The following FARP1 variants were observed in gnomAD, a reference collection of about 807,000 sequenced individuals.
FARP1 encodes FERM, ARHGEF and pleckstrin domain-containing protein 1.
FARP1 carries 52 observed loss-of-function variants against 128.8 expected under a neutral mutation model. That is an observed-to-expected ratio of 0.40 (90% CI 0.32 to 0.51). The LOEUF is 0.51. Ranked by LOEUF, FARP1 falls within the 20% of genes least tolerant of loss-of-function variation. The probability of loss-of-function intolerance (pLI) is 0.45; values close to 1 mark genes in which losing one functional copy is unlikely to be tolerated. For synonymous variants in FARP1, 580 were observed against 551.8 expected (o/e 1.05, Z -0.72); for missense variants, 1,333 against 1,367.9 (o/e 0.97, Z 0.40).
intron 1 of FARP1, among the ~76,000 whole-genome samples, chr13:98,207,480 G>T (rs558487721): frequency 2.6e-5 from 4 of 152,160 alleles, no homozygotes; most frequent in African/African-American, 9.6e-5. Flanking sequence ...TGCAGGGAGG[G>T]TCTGAGCACC....
At chr13:98,185,498 A>AG (rs1358067520) in intron 1 of FARP1, among the ~76,000 whole-genome samples, 1 of 152,106 alleles carries the variant, frequency 6.6e-6, no homozygotes, top group African/African-American at 2.4e-5. Context: ...AAACTTGGGG[A>AG]GATAAGCAAG....
intron 2 of FARP1, among the ~76,000 whole-genome samples, chr13:98,336,241 GT>G (rs751240454): frequency 7.2e-5 from 11 of 152,076 alleles, no homozygotes; most frequent in African/African-American, 1.2e-4. Context: ...TTCTGTTGTT[GT>G]TTTTGTTCGT....
At chr13:98,437,970 T>C in intron 19 of FARP1, 1 of 907,634 alleles carries the variant, frequency 1.1e-6, no homozygotes, top group Admixed American at 2.0e-5. Flanking sequence ...CTGAGCAGAA[T>C]GGGAAGGTGG....
chr13:98,208,133 A>G (rs1454797705), intron 1 of FARP1, among the ~76,000 whole-genome samples: 1 of 152,094 alleles, frequency 6.6e-6, no homozygotes, highest in East Asian at 1.9e-4. Context: ...GATGCTTAGA[A>G]AAAGCTTATT....
chr13:98,271,838 T>A (rs1326112847), intron 2 of FARP1, among the ~76,000 whole-genome samples: 5 of 152,204 alleles, frequency 3.3e-5, no homozygotes, highest in Non-Finnish European at 7.3e-5. Context: ...TATCAGTATA[T>A]CACTGATTTG....
chr13:98,313,413 A>AT (rs1886579162), intron 2 of FARP1, among the ~76,000 whole-genome samples: 1 of 151,796 alleles, frequency 6.6e-6, no homozygotes, highest in Non-Finnish European at 1.5e-5. Context: ...GGAGCCACAA[A>AT]CCCAGGAGCG....
intron 1 of FARP1, among the ~76,000 whole-genome samples, chr13:98,203,489 G>A (rs748550339): frequency 3.0e-4 from 45 of 152,186 alleles, no homozygotes; most frequent in Non-Finnish European, 4.6e-4. Flanking sequence ...CATTTAATAG[G>A]ATCATAGGTT....
chr13:98,194,663 C>T (rs145449466), intron 1 of FARP1, among the ~76,000 whole-genome samples: 64 of 152,236 alleles, frequency 4.2e-4, no homozygotes, highest in African/African-American at 1.5e-3. Flanking sequence ...TCAAGTAAAA[C>T]ACATTTGAGA....
intron 5 of FARP1, among the ~76,000 whole-genome samples, chr13:98,376,185 T>C (rs970980379): frequency 2.0e-5 from 3 of 152,196 alleles, no homozygotes; most frequent in African/African-American, 7.2e-5. Context: ...TAAATTATTA[T>C]TGACTGTAGT....
intron 2 of FARP1, among the ~76,000 whole-genome samples, chr13:98,227,368 T>G (rs1302192339): frequency 1.3e-5 from 2 of 151,914 alleles, no homozygotes; most frequent in African/African-American, 2.4e-5. Context: ...GAAGCTATGT[T>G]GGGGAACATC....
At chr13:98,411,198 T>A (rs1319939190) in intron 15 of FARP1, among the ~76,000 whole-genome samples, 7 of 152,228 alleles carry the variant, frequency 4.6e-5, no homozygotes, top group Admixed American at 4.6e-4. Flanking sequence ...TTATCTTTGA[T>A]AATAAATTGA....
At chr13:98,194,217 A>G (rs1879425510) in intron 1 of FARP1, among the ~76,000 whole-genome samples, 2 of 152,094 alleles carry the variant, frequency 1.3e-5, no homozygotes, top group Admixed American at 1.3e-4. Flanking sequence ...CCTGGGTTCA[A>G]GCGATTCTCC....
chr13:98,193,906 G>GA (rs1722315001), intron 1 of FARP1, among the ~76,000 whole-genome samples: 1 of 152,028 alleles, frequency 6.6e-6, no homozygotes, highest in African/African-American at 2.4e-5. Context: ...AGTCCATTTG[G>GA]ACATAGTCTT....
chr13:98,333,317 CAAGATCAGGAGATGA>C (rs1887590953), intron 2 of FARP1: 1 of 151,940 alleles, frequency 6.6e-6, no homozygotes, highest in Non-Finnish European at 1.5e-5. Context: ...ATGAATTACT[CAAGATCAGGAGATGA>C]CAAACCTAGC....
intron 14 of FARP1, among the ~76,000 whole-genome samples, chr13:98,410,245 C>T (rs1466251334): frequency 6.6e-6 from 1 of 152,240 alleles, no homozygotes; most frequent in Admixed American, 6.5e-5. Context: ...ACCTGACTGA[C>T]AGCCGCCAAG....
intron 21 of FARP1, 62 bp downstream of exon 21, chr13:98,439,258 C>A (rs1892423557): frequency 2.6e-6 from 3 of 1,167,738 alleles, no homozygotes; most frequent in Non-Finnish European, 3.7e-6. Flanking sequence ...GCGGGCGCTG[C>A]TGACCCGGCG....
At chr13:98,250,759 C>A (rs1301196830) in intron 2 of FARP1, among the ~76,000 whole-genome samples, 1 of 151,908 alleles carries the variant, frequency 6.6e-6, no homozygotes, top group South Asian at 2.1e-4. Flanking sequence ...AAATATATAA[C>A]ACTACCAGTA....
At chr13:98,204,393 T>C (rs1464812257) in intron 1 of FARP1, among the ~76,000 whole-genome samples, 1 of 152,226 alleles carries the variant, frequency 6.6e-6, no homozygotes, top group East Asian at 1.9e-4. Context: ...AAACATGAGG[T>C]AATAGGTAAC....
At position 98,186,991 on chromosome 13, in the gene FARP1, C is replaced by CAAAAA. The variant is rs33992037; in HGVS notation, c.-23-26206_-23-26202dup. ...TGGGAGATGGAGCGAGATTCTGTCT[C>CAAAAA]AAAAAAAAAAAAAAAAAAAAAAAAA... On this transcript the variant is annotated intron_variant, in intron 1 of 26. Coordinates refer to ENST00000319562, the MANE Select transcript of FARP1 (RefSeq NM_005766.4). 1.3e-3 allele frequency among the ~76,000 whole-genome samples: 64 copies of CAAAAA among 47,822 alleles called. 13 individuals carry two copies. Among genetic ancestry groups the CAAAAA allele is most frequent in the African/African-American group, 4.1e-3 (54 of 13,024 alleles). The allele number at this position is 47,822 out of a possible 152,430, so 31.4% of individuals were successfully genotyped here.
Sources: gnomAD v4.1 joint callset for allele counts (sites outside exome capture counted in the v4.1 genomes callset) on GRCh38, gnomAD v4.1.1 for gene constraint, MANE v1.5 for transcripts, NCBI Gene and HGNC (gene_info 2026-07-23, HGNC 2026-07-21) for gene names.